The following SGCD variants were observed in gnomAD, a reference collection of about 807,000 sequenced individuals.
SGCD encodes delta-sarcoglycan.
A neutral mutation model predicts 36.6 loss-of-function variants in SGCD; 18 were observed. The observed-to-expected ratio is 0.49, with a 90% CI of 0.34 to 0.73. The LOEUF (loss-of-function observed/expected upper bound fraction) is 0.73. Ranked by LOEUF, SGCD falls within the 30% of genes least tolerant of loss-of-function variation. The probability of loss-of-function intolerance (pLI) is 0.01; values close to 1 mark genes in which losing one functional copy is unlikely to be tolerated. For synonymous variants in SGCD, 133 were observed against 130.6 expected, an observed-to-expected ratio of 1.02 and a Z score of -0.12; for missense variants, 387 against 346.7, an observed-to-expected ratio of 1.12 and a Z score of -0.92.
intron 3 of SGCD, among the ~76,000 whole-genome samples, chr5:156,479,950 C>A (rs1755350415): frequency 6.6e-6 from 1 of 152,178 alleles, no homozygotes; most frequent in Non-Finnish European, 1.5e-5. Flanking sequence ...AAGCAGACAC[C>A]AACAGCTGCT....
intron 1 of SGCD, among the ~76,000 whole-genome samples, chr5:156,032,199 CA>C (rs1179003566): frequency 1.2e-4 from 18 of 151,548 alleles, no homozygotes; most frequent in African/African-American, 3.6e-4. Context: ...CATACTTCTA[CA>C]ATATCAATGT....
the SGCD span, among the ~76,000 whole-genome samples, chr5:155,781,026 A>G: frequency 6.6e-6 from 1 of 152,080 alleles, no homozygotes; most frequent in Non-Finnish European, 1.5e-5. Flanking sequence ...TTAAGCTTGT[A>G]TTATGTGTTC....
intron 1 of SGCD, among the ~76,000 whole-genome samples, chr5:155,921,725 G>C (rs1221225114): frequency 6.6e-6 from 1 of 152,124 alleles, no homozygotes; most frequent in Non-Finnish European, 1.5e-5. Context: ...ATAAACATTG[G>C]TCAGCAGACA....
intron 1 of SGCD, among the ~76,000 whole-genome samples, chr5:156,089,893 G>A (rs1022647906): frequency 6.6e-6 from 1 of 152,122 alleles, no homozygotes; most frequent in Admixed American, 6.5e-5. Context: ...CTCAGGGAGC[G>A]AAATTATTCC....
chr5:155,840,312 C>A, the SGCD span, among the ~76,000 whole-genome samples: 6 of 150,534 alleles, frequency 4.0e-5, no homozygotes, highest in East Asian at 1.2e-3. Context: ...GGCGTGATCT[C>A]GGCTCACTGC....
At chr5:156,506,727 T>C (rs1456389773) in intron 3 of SGCD, among the ~76,000 whole-genome samples, 1 of 152,146 alleles carries the variant, frequency 6.6e-6, no homozygotes. Flanking sequence ...AGTTAAAAAG[T>C]AAAAACCTCA....
chr5:156,054,806 C>T (rs1285549816), intron 1 of SGCD, among the ~76,000 whole-genome samples: 1 of 146,518 alleles, frequency 6.8e-6, no homozygotes, highest in Non-Finnish European at 1.5e-5. Flanking sequence ...TTATTGAGTA[C>T]ATAATTCTAT....
At chr5:156,312,083 G>A (rs1010399733) in intron 3 of SGCD, among the ~76,000 whole-genome samples, 4 of 152,194 alleles carry the variant, frequency 2.6e-5, no homozygotes, top group Non-Finnish European at 4.4e-5. Flanking sequence ...CAGTATCACA[G>A]GAAGGCAAAG....
chr5:156,217,309 C>A (rs1764600987), intron 3 of SGCD, among the ~76,000 whole-genome samples: 1 of 152,014 alleles, frequency 6.6e-6, no homozygotes, highest in Admixed American at 6.6e-5. Flanking sequence ...ATTTTTAATA[C>A]TGTAGTGAAA....
At chr5:156,413,764 C>A (rs1772890318) in intron 3 of SGCD, among the ~76,000 whole-genome samples, 2 of 152,312 alleles carry the variant, frequency 1.3e-5, no homozygotes, top group African/African-American at 4.8e-5. Context: ...CAAACTTTGT[C>A]TTTGCTAGCG....
At chr5:156,447,805 TTAAAA>T (rs1382931620) in intron 3 of SGCD, among the ~76,000 whole-genome samples, 1 of 152,152 alleles carries the variant, frequency 6.6e-6, no homozygotes, top group Non-Finnish European at 1.5e-5. Context: ...ATCCCAGAAC[TTAAAA>T]TAAAAGTCAT....
At chr5:156,709,841 G>T (rs1188797395) in intron 7 of SGCD, among the ~76,000 whole-genome samples, 1 of 63,750 alleles carries the variant, frequency 1.6e-5, no homozygotes, top group Non-Finnish European at 3.2e-5. Flanking sequence ...CCTCCCCCCC[G>T]ACGCCGCCAC....
At chr5:156,095,833 C>A (rs1027647625) in intron 1 of SGCD, among the ~76,000 whole-genome samples, 30 of 152,160 alleles carry the variant, frequency 2.0e-4, no homozygotes, top group Non-Finnish European at 5.9e-5. Flanking sequence ...CCTAATGGAA[C>A]AAAGCTCAGG....
intron 1 of SGCD, among the ~76,000 whole-genome samples, chr5:156,003,466 C>T (rs981533152): frequency 2.6e-5 from 4 of 152,188 alleles, no homozygotes; most frequent in African/African-American, 9.7e-5. Flanking sequence ...CAAATGCTTT[C>T]TCACTCTTTC....
intron 7 of SGCD, among the ~76,000 whole-genome samples, chr5:156,718,469 G>A (rs1242625432): frequency 6.6e-6 from 1 of 151,890 alleles, no homozygotes; most frequent in Non-Finnish European, 1.5e-5. Flanking sequence ...ATGTGCTTTG[G>A]TTTTTTTATC....
At chr5:156,198,324 A>C (rs1488531661) in intron 3 of SGCD, among the ~76,000 whole-genome samples, 3 of 152,298 alleles carry the variant, frequency 2.0e-5, no homozygotes, top group African/African-American at 7.2e-5. Context: ...TTATGTTCAC[A>C]TAGGAAATAA....
chr5:156,078,650 A>C (rs1225219812), intron 1 of SGCD, among the ~76,000 whole-genome samples: 5 of 147,630 alleles, frequency 3.4e-5, no homozygotes, highest in South Asian at 2.1e-4. Context: ...TTATATACAC[A>C]CACACATATA....
intron 3 of SGCD, among the ~76,000 whole-genome samples, chr5:156,300,993 G>A (rs1767039066): frequency 1.3e-5 from 2 of 151,844 alleles, no homozygotes; most frequent in South Asian, 2.1e-4. Flanking sequence ...CAATCTATGT[G>A]TGTCTTTATA....
At chr5:156,007,756 G>A (rs917835212) in intron 1 of SGCD, among the ~76,000 whole-genome samples, 1 of 152,178 alleles carries the variant, frequency 6.6e-6, no homozygotes, top group African/African-American at 2.4e-5. Flanking sequence ...ACATGTAAGC[G>A]ACTTGTTATA....
Sources: allele counts gnomAD v4.1 joint callset (sites outside exome capture counted in the v4.1 genomes callset), GRCh38; gene constraint gnomAD v4.1.1; transcripts MANE v1.5; gene names NCBI Gene and HGNC (gene_info 2026-07-23, HGNC 2026-07-21).